SLC6A16: variants seen among roughly 807,000 people sequenced by gnomAD.
SLC6A16 encodes the protein solute carrier family 6 member 16, also known as orphan sodium- and chloride-dependent neurotransmitter transporter NTT5.
SLC6A16 carries 54 observed loss-of-function variants against 65.4 expected under a neutral mutation model. The observed-to-expected ratio is 0.83, with a 90% CI of 0.66 to 1.04. The LOEUF (loss-of-function observed/expected upper bound fraction) is 1.04, where lower values mean the gene tolerates loss of function less well. Among genes scored for constraint, SLC6A16 ranks in the 50% least tolerant of loss-of-function variants. The pLI is 0.00. For synonymous variants in SLC6A16, 330 were observed against 346.5 expected (o/e 0.95, Z 0.53); for missense variants, 816 against 914.0 (o/e 0.89, Z 1.38).
chr19:49,338,990 G>T, the SLC6A16 span: 1 of 1,366,490 alleles, frequency 7.3e-7, no homozygotes, highest in Non-Finnish European at 1.0e-6. This position sits in a 1 kb window ranked among gnomAD's most constrained non-coding sequence, Gnocchi z 5.0. Flanking sequence ...CCTGCGGGAG[G>T]GGGAGGGCTG....
rs771907111 is a variant in SLC6A16, at chr19:49,310,438, G to C, written c.488C>G (p.Ala163Gly). Reference sequence around the variant, plus strand: ...GCCACCCTGACGCATGCTCTGACCAGCTGCCATCTCCAGGAAGAGAAGAGG... The same window carrying C: ...GCCACCCTGACGCATGCTCTGACCACCTGCCATCTCCAGGAAGAGAAGAGG... ...GVPLLFLEMAAGQSMRQGGMG... is the reference protein window; with the variant it reads ...GVPLLFLEMAGGQSMRQGGMG... The change falls in exon 3 of 12, where the codon GCT becomes GGT. Residue 163 changes from alanine to glycine, a missense_variant. By Grantham distance (60) the Ala-to-Gly change is moderately conservative (BLOSUM62 0). Transcript: ENST00000335875. 3.1e-6 allele frequency: 5 copies of C among 1,614,144 alleles called. No homozygotes were observed. The highest frequency in any genetic ancestry group is 4.2e-6 in the Non-Finnish European group (5 of 1,180,024).
upstream of SLC6A16, among the ~76,000 whole-genome samples, chr19:49,325,598 C>T (rs8102658): frequency 0.24 from 37,019 of 152,066 alleles, 4,745 homozygotes; most frequent in South Asian, 0.4. Context: ...CAGACAGGGA[C>T]GTTGCCTTAA....
the SLC6A16 span, chr19:49,335,335 G>A: frequency 6.7e-6 from 4 of 595,346 alleles, no homozygotes; most frequent in Non-Finnish European, 9.0e-6. This position sits in a 1 kb window ranked among gnomAD's most constrained non-coding sequence, Gnocchi z 4.6. Flanking sequence ...GAGGGAGACA[G>A]GGACAGAGAG....
At chr19:49,313,042 G>A (rs1172694270) in intron 1 of SLC6A16, among the ~76,000 whole-genome samples, 2 of 130,190 alleles carry the variant, frequency 1.5e-5, no homozygotes, top group South Asian at 2.4e-4. Flanking sequence ...GAGATCGCAC[G>A]ACTGCACTCC....
the SLC6A16 span, chr19:49,340,071 C>G: frequency 1.3e-6 from 2 of 1,522,298 alleles, no homozygotes; most frequent in Non-Finnish European, 1.8e-6. Context: ...CTATTCCCGC[C>G]TCATCAGCCA....
At chr19:49,290,562 G>A (rs780176035) in intron 11 of SLC6A16, 43 bp downstream of exon 11, 9 of 1,604,248 alleles carry the variant, frequency 5.6e-6, no homozygotes. Flanking sequence ...GAAAGGTCTG[G>A]CCCCTACTCC....
chr19:49,325,325 C>CACGT (rs1321964522), upstream of SLC6A16: 8 of 745,618 alleles, frequency 1.1e-5, no homozygotes, highest in Non-Finnish European at 1.1e-5. Context: ...CACACGCACG[C>CACGT]ACGTGTGCAC....
At chr19:49,300,849 C>A (rs528347097) in intron 7 of SLC6A16, among the ~76,000 whole-genome samples, 27 of 152,112 alleles carry the variant, frequency 1.8e-4, no homozygotes, top group Non-Finnish European at 2.8e-4. Flanking sequence ...GTCAGGAGTT[C>A]GAGACCAGCC....
chr19:49,330,909 T>A, the SLC6A16 span, among the ~76,000 whole-genome samples: 1 of 148,334 alleles, frequency 6.7e-6, no homozygotes, highest in Non-Finnish European at 1.5e-5. Context: ...GCCATTGCAC[T>A]CCAGCCTGGG....
In SLC6A16 at chr19:49,309,752, C is replaced by T. The variant is rs1158999143; in HGVS notation, c.775G>A (p.Glu259Lys). 4.3e-6 allele frequency: 7 copies of T among 1,613,942 alleles called. No individual in the cohort carries two copies. Among genetic ancestry groups the T allele is most frequent in the Non-Finnish European group, 5.9e-6 (7 of 1,179,982 alleles). ...QQALKASDRI[E>K]DGGSPVYSLV... ...CTGTAGACTGGTGACCCGCCATCCT[C>T]GATTCTGTCTGAGGCCTTCAAGGCC... Residue 259 changes from glutamate (E) to lysine (K), a missense_variant, in exon 5 of 12, where the codon GAG becomes AAG. By Grantham distance (56) the Glu-to-Lys change is moderately conservative. Transcript: ENST00000335875.
upstream of SLC6A16, among the ~76,000 whole-genome samples, chr19:49,326,746 T>C (rs147762232): frequency 7.2e-5 from 11 of 152,096 alleles, no homozygotes; most frequent in Admixed American, 1.3e-4. Context: ...AGGCCGGGCA[T>C]GGTGGCTCAC....
the SLC6A16 span, chr19:49,339,019 A>G: frequency 8.9e-7 from 1 of 1,126,592 alleles, no homozygotes. This position sits in a 1 kb window ranked among gnomAD's most constrained non-coding sequence, Gnocchi z 4.5. Context: ...TAGCGGCCTG[A>G]GAAAGGGCGG....
the SLC6A16 span, chr19:49,338,951 G>C: frequency 3.1e-6 from 5 of 1,602,776 alleles, no homozygotes; most frequent in African/African-American, 6.7e-5. This position sits in a 1 kb window ranked among gnomAD's most constrained non-coding sequence, Gnocchi z 5.0. Flanking sequence ...GCAGGGGTTC[G>C]GAGCATAAAC....
chr19:49,311,435 A>G (rs1970521644), intron 1 of SLC6A16, 24 bp from the exon 2 acceptor site: 1 of 1,411,860 alleles, frequency 7.1e-7, no homozygotes, highest in Non-Finnish European at 9.5e-7. Context: ...AAATCTGTAG[A>G]TTTTAGATTT....
chr19:49,301,035 C>G (rs1052600483), intron 7 of SLC6A16, among the ~76,000 whole-genome samples: 1 of 151,936 alleles, frequency 6.6e-6, no homozygotes, highest in East Asian at 1.9e-4. Context: ...TGGAAGTCAG[C>G]GAGACTCCAT....
intron 1 of SLC6A16, among the ~76,000 whole-genome samples, chr19:49,319,089 T>C (rs973926179): frequency 4.0e-5 from 6 of 151,592 alleles, no homozygotes; most frequent in African/African-American, 1.5e-4. Context: ...TGAAGATTAC[T>C]GGCAGATTTT....
the SLC6A16 span, chr19:49,338,244 C>T: frequency 7.2e-7 from 1 of 1,393,438 alleles, no homozygotes; most frequent in Non-Finnish European, 9.4e-7. This position sits in a 1 kb window ranked among gnomAD's most constrained non-coding sequence, Gnocchi z 5.0. Flanking sequence ...GCTTCGCCAT[C>T]TACCTCGAGA....
chr19:49,293,132 C>A, intron 10 of SLC6A16, 91 bp downstream of exon 10: 1 of 1,180,480 alleles, frequency 8.5e-7, no homozygotes, highest in South Asian at 1.4e-5. Flanking sequence ...CCCTATGTCA[C>A]ACTAGGTGGG....
the SLC6A16 span, chr19:49,336,832 G>C: frequency 6.5e-7 from 1 of 1,545,928 alleles, no homozygotes; most frequent in Non-Finnish European, 8.8e-7. Flanking sequence ...CCCCACTTGG[G>C]TGGCTGCCTA....
Sources: gnomAD v4.1 joint callset for allele counts (sites outside exome capture counted in the v4.1 genomes callset) on GRCh38, gnomAD v4.1.1 for gene constraint, Gnocchi (gnomAD v3.1) non-coding constraint, MANE v1.5 for transcripts, NCBI Gene and HGNC (gene_info 2026-07-23, HGNC 2026-07-21) for gene names.